Variants in APLF observed in about 807,000 individuals in gnomAD.
APLF encodes the protein aprataxin and PNKP like factor.
In APLF, 61 loss-of-function variants were observed where a neutral mutation model predicts 55.6. The ratio of observed to expected loss-of-function variants is 1.10; its 90% CI spans 0.89 to 1.36. APLF has a LOEUF of 1.36. APLF is among the 40% of genes most tolerant of loss of function. The pLI is 0.00. For synonymous variants in APLF, 207 were observed against 214.8 expected (o/e 0.96, Z 0.32); for missense variants, 611 against 602.5 (o/e 1.01, Z -0.15).
At chr2:68,474,161 C>G (rs1047750224) in intron 1 of APLF, among the ~76,000 whole-genome samples, 2 of 152,214 alleles carry the variant, frequency 1.3e-5, no homozygotes, top group Non-Finnish European at 2.9e-5. Context: ...CTTCCATGCT[C>G]TCACCAAGTG....
intron 5 of APLF, among the ~76,000 whole-genome samples, chr2:68,521,328 C>G (rs573739076): frequency 6.6e-6 from 1 of 151,944 alleles, no homozygotes; most frequent in East Asian, 1.9e-4. Context: ...TGACTCTTTA[C>G]TGATTTGGAT....
chr2:68,490,406 T>A, intron 2 of APLF, 145 bp downstream of exon 2: 3 of 552,454 alleles, frequency 5.4e-6, no homozygotes, highest in Non-Finnish European at 9.1e-6. Flanking sequence ...AATTAGGAGA[T>A]AAAGATCTAA....
chr2:68,537,764 A>C, intron 6 of APLF, 108 bp from the exon 7 acceptor site: 1 of 761,316 alleles, frequency 1.3e-6, no homozygotes, highest in African/African-American at 1.8e-5. Flanking sequence ...TGAATCTTGA[A>C]GTTTTAAGTT....
intron 3 of APLF, among the ~76,000 whole-genome samples, chr2:68,509,654 A>G (rs1176087636): frequency 6.6e-6 from 1 of 151,964 alleles, no homozygotes; most frequent in Non-Finnish European, 1.5e-5. Context: ...GTGGAAGACA[A>G]TGTGGCGATT....
At chr2:68,528,841 C>T in intron 6 of APLF, 2 of 1,510,422 alleles carry the variant, frequency 1.3e-6, no homozygotes, top group Non-Finnish European at 1.8e-6. Flanking sequence ...GGACATTTCC[C>T]TCCAAGGGCC....
At chr2:68,521,325 T>C (rs1472287249) in intron 5 of APLF, among the ~76,000 whole-genome samples, 2 of 151,948 alleles carry the variant, frequency 1.3e-5, no homozygotes, top group Admixed American at 1.3e-4. Flanking sequence ...CATTGACTCT[T>C]TACTGATTTG....
At chr2:68,469,647 T>C (rs1675557278) in intron 1 of APLF, among the ~76,000 whole-genome samples, 1 of 152,208 alleles carries the variant, frequency 6.6e-6, no homozygotes, top group Non-Finnish European at 1.5e-5. Flanking sequence ...TGTAGTTTTT[T>C]CGATTTTGGA....
intron 8 of APLF, among the ~76,000 whole-genome samples, chr2:68,565,514 G>GATAGATACATACATACATAC (rs60590885): frequency 2.0e-5 from 3 of 148,922 alleles, no homozygotes; most frequent in Admixed American, 6.7e-5. Flanking sequence ...TAGACAGATA[G>GATAGATACATACATACATAC]ATACATACAT....
At position 68,490,214 on chromosome 2, in the gene APLF, A is replaced by T; in HGVS notation, c.121A>T (p.Arg41Ter). The T allele has an allele frequency of 6.2e-7, 1 of 1,612,326 alleles. No individual in the cohort carries two copies. The highest frequency in any genetic ancestry group is 8.5e-7 in the Non-Finnish European group (1 of 1,179,538). Residue 41 changes from arginine to a stop codon, truncating the protein, a stop_gained, in exon 2 of 10, where the codon AGA becomes TGA. Transcript: ENST00000303795. LOFTEE classifies it high-confidence loss of function. ...LGITDKRVSR[R>*]HAILEVAGGQ... The stretch of plus-strand genomic sequence containing the variant: ...GATAACAGACAAGAGAGTATCCAGA[A>T]GACATGCCATTCTTGAGGTGGCAGG...
intron 8 of APLF, among the ~76,000 whole-genome samples, chr2:68,558,618 G>T (rs1671079340): frequency 1.3e-5 from 2 of 152,136 alleles, no homozygotes; most frequent in South Asian, 4.1e-4. Flanking sequence ...ATGTAAAACA[G>T]TTCTGTTTTT....
intron 5 of APLF, among the ~76,000 whole-genome samples, chr2:68,518,407 TTATA>T (rs1466011277): frequency 3.6e-5 from 4 of 111,430 alleles, no homozygotes; most frequent in African/African-American, 1.1e-4. Context: ...TAACAATATA[TTATA>T]TATTATATAA....
chr2:68,501,064 T>G (rs1676704563), intron 2 of APLF, among the ~76,000 whole-genome samples: 1 of 152,224 alleles, frequency 6.6e-6, no homozygotes. Context: ...TCTTATGCAA[T>G]CTTGTGTATA....
At chr2:68,475,598 T>G (rs1675745840) in intron 1 of APLF, among the ~76,000 whole-genome samples, 1 of 152,222 alleles carries the variant, frequency 6.6e-6, no homozygotes, top group African/African-American at 2.4e-5. Flanking sequence ...GGGGAGTCTC[T>G]GGGCAAAATC....
rs1304126789 is a variant in APLF, at chr2:68,537,865, T to G, written c.805-7T>G. ...TATTTCTGATGTTTTTCATATTTGTTTTACAGGAAATGCCACAATCATTTT... is the reference window on the plus strand; with the variant it reads ...TATTTCTGATGTTTTTCATATTTGTGTTACAGGAAATGCCACAATCATTTT... On this transcript the variant is annotated splice_region_variant and splice_polypyrimidine_tract_variant and intron_variant, in intron 6 of 9. Transcript: ENST00000303795. The G allele has an allele frequency of 6.5e-7, 1 of 1,534,598 alleles. No individual in the cohort carries two copies. The highest frequency in any genetic ancestry group is 8.8e-7 in the Non-Finnish European group (1 of 1,135,326).
At chr2:68,493,692 T>C (rs992869813) in intron 2 of APLF, among the ~76,000 whole-genome samples, 19 of 152,198 alleles carry the variant, frequency 1.2e-4, no homozygotes, top group Non-Finnish European at 2.8e-4. Context: ...GTCTGTGTGC[T>C]GTGGCTCACA....
At chr2:68,545,334 C>T (rs1670674788) in intron 8 of APLF, 22 bp downstream of exon 8, 1 of 1,597,676 alleles carries the variant, frequency 6.3e-7, no homozygotes. Flanking sequence ...GAATGTTTGG[C>T]TGCACTCCTT....
chr2:68,500,898 G>A (rs1411117106), intron 2 of APLF, among the ~76,000 whole-genome samples: 1 of 152,222 alleles, frequency 6.6e-6, no homozygotes, highest in African/African-American at 2.4e-5. Flanking sequence ...CCTGCCAAGA[G>A]CCAGAGGACA....
At chr2:68,505,176 T>TA (rs1558534633) in intron 3 of APLF, among the ~76,000 whole-genome samples, 2 of 152,074 alleles carry the variant, frequency 1.3e-5, no homozygotes, top group Admixed American at 6.6e-5. Flanking sequence ...CTTTTTCTCT[T>TA]ATCATACATG....
Position 68,580,106 on chromosome 2 carries a change from A to C in APLF, c.*2084A>C, listed in dbSNP as rs1193537639. ...CAGTTTTAATGCAACTTTCATAATC[A>C]TCCTGAAGACACTTTTGAGTATAAC... On this transcript the variant is annotated 3_prime_UTR_variant, in exon 10 of 10. Transcript: ENST00000303795. 1.1e-6 allele frequency: 1 copy of C among 942,448 alleles called. No homozygotes were observed. The highest frequency in any genetic ancestry group is 4.9e-5 in the South Asian group (1 of 20,404). The allele number at this position is 942,448 out of a possible 1,614,324, so 58.4% of individuals were successfully genotyped here. A position where few individuals can be genotyped will look rare whatever the true frequency, so the allele number is the denominator to read the frequency against.
Sources: allele counts gnomAD v4.1 joint callset (sites outside exome capture counted in the v4.1 genomes callset), GRCh38; gene constraint gnomAD v4.1.1; transcripts MANE v1.5; gene names NCBI Gene and HGNC (gene_info 2026-07-23, HGNC 2026-07-21).